The following ZNF423 variants were observed in gnomAD, a reference collection of about 807,000 sequenced individuals.
The protein encoded by ZNF423 is zinc finger protein 423, also known as Ebf-associated zinc finger protein.
A neutral mutation model predicts 95.8 loss-of-function variants in ZNF423; 12 were observed. That is an observed-to-expected ratio of 0.13 (90% CI 0.08 to 0.20). The LOEUF (loss-of-function observed/expected upper bound fraction) is 0.20. ZNF423 is among the 10% of genes least tolerant of loss of function. The probability of loss-of-function intolerance (pLI) is 1.00; values close to 1 mark genes in which losing one functional copy is unlikely to be tolerated. For missense variants in ZNF423, 1,316 were observed against 1,737.1 expected, an observed-to-expected ratio of 0.76 and a Z score of 4.31; for synonymous variants, 749 against 711.9, an observed-to-expected ratio of 1.05 and a Z score of -0.83.
chr16:49,539,266 T>C (rs1969166765), intron 5 of ZNF423, among the ~76,000 whole-genome samples: 1 of 152,182 alleles, frequency 6.6e-6, no homozygotes. Context: ...CAGATGCCAC[T>C]CTTCATGTCC....
intron 3 of ZNF423, among the ~76,000 whole-genome samples, chr16:49,726,106 T>C (rs571925469): frequency 1.1e-4 from 17 of 152,338 alleles, no homozygotes; most frequent in African/African-American, 3.6e-4. Flanking sequence ...TGGGCTGGCA[T>C]GTTCCAGGAC....
intron 7 of ZNF423, among the ~76,000 whole-genome samples, chr16:49,512,255 T>C (rs370982165): frequency 2.6e-5 from 4 of 152,152 alleles, no homozygotes; most frequent in East Asian, 1.9e-4. Flanking sequence ...ACATGATTGA[T>C]TGAATGAGTC....
intron 3 of ZNF423, among the ~76,000 whole-genome samples, chr16:49,661,332 G>T (rs1308906098): frequency 6.6e-6 from 1 of 152,132 alleles, no homozygotes; most frequent in South Asian, 2.1e-4. Context: ...CCACACTGGA[G>T]AATAAGGGTA....
At chr16:49,673,049 C>T (rs1271884791) in intron 3 of ZNF423, among the ~76,000 whole-genome samples, 1 of 152,154 alleles carries the variant, frequency 6.6e-6, no homozygotes, top group African/African-American at 2.4e-5. Flanking sequence ...CGGTCTCCCA[C>T]CAGCAGGTGA....
intron 1 of ZNF423, among the ~76,000 whole-genome samples, chr16:49,837,797 A>G (rs1279371084): frequency 6.6e-6 from 1 of 152,252 alleles, no homozygotes; most frequent in Admixed American, 6.5e-5. Flanking sequence ...GAATGAGTTC[A>G]GAGCCAGAGG....
intron 5 of ZNF423, among the ~76,000 whole-genome samples, chr16:49,552,495 CA>C (rs1969678984): frequency 6.6e-6 from 1 of 152,140 alleles, no homozygotes; most frequent in African/African-American, 2.4e-5. Context: ...GCCACTACTC[CA>C]GCTTGATATG....
intron 5 of ZNF423, among the ~76,000 whole-genome samples, chr16:49,620,025 G>A (rs1339561200): frequency 6.6e-6 from 1 of 151,976 alleles, no homozygotes; most frequent in African/African-American, 2.4e-5. Context: ...AGTGGGCCCT[G>A]GCTCTGCAAG....
intron 1 of ZNF423, among the ~76,000 whole-genome samples, chr16:49,832,904 G>A (rs954717664): frequency 1.3e-5 from 2 of 152,178 alleles, no homozygotes; most frequent in Non-Finnish European, 2.9e-5. Flanking sequence ...CAAGAACTCC[G>A]ATTTTTTTCT....
At chr16:49,778,842 G>T (rs911390246) in intron 2 of ZNF423, among the ~76,000 whole-genome samples, 2 of 152,174 alleles carry the variant, frequency 1.3e-5, no homozygotes, top group African/African-American at 4.8e-5. Flanking sequence ...CAAAAGTAAA[G>T]GTACAGGGTG....
At chr16:49,752,009 G>A (rs2033641231) in intron 2 of ZNF423, among the ~76,000 whole-genome samples, 1 of 152,182 alleles carries the variant, frequency 6.6e-6, no homozygotes, top group Non-Finnish European at 1.5e-5. Flanking sequence ...CAAATGCAGA[G>A]CAGCAGCTCA....
intron 7 of ZNF423, among the ~76,000 whole-genome samples, chr16:49,508,689 C>T (rs796503766): frequency 3.3e-4 from 50 of 151,888 alleles, no homozygotes; most frequent in African/African-American, 9.9e-4. Flanking sequence ...GAGGAGAGAC[C>T]GGGTTAGATT....
At chr16:49,657,981 C>A (rs1373698756) in intron 3 of ZNF423, among the ~76,000 whole-genome samples, 1 of 152,228 alleles carries the variant, frequency 6.6e-6, no homozygotes, top group Non-Finnish European at 1.5e-5. Flanking sequence ...ATTACTCAAC[C>A]TTGTCCTTTC....
At chr16:49,827,208 G>A (rs12443775) in intron 1 of ZNF423, among the ~76,000 whole-genome samples, 1 of 151,798 alleles carries the variant, frequency 6.6e-6, no homozygotes. Flanking sequence ...CACTTCTCCC[G>A]ATCACCTGCT....
intron 3 of ZNF423, among the ~76,000 whole-genome samples, chr16:49,690,132 A>G (rs2031723251): frequency 6.6e-6 from 1 of 152,200 alleles, no homozygotes; most frequent in African/African-American, 2.4e-5. Context: ...CCAGCCCTTC[A>G]TGCCCATTAC....
In ZNF423 at chr16:49,636,780, C is replaced by T. The variant is rs763561410; in HGVS notation, c.2396G>A (p.Ser799Asn). ...GTGGCACTGCAGCTCCACCTCGGTG[C>T]TGAAGGTCTCCCCACAGAAGATGCA... The part of the protein sequence containing the change: ...HKCIFCGETF[S>N]TEVELQCHIT... The change falls in exon 4 of 8, where the codon AGC becomes AAC. Residue 799 changes from serine (S) to asparagine (N), a missense_variant. Physicochemically the swap from Ser to Asn is conservative, Grantham distance 46. Around this residue, in one of 6 missense-constraint regions of ZNF423, gnomAD observed 620 missense variants for 775.6 expected, o/e 0.80. Transcript: ENST00000563137. This position sits in a 1 kb window ranked among gnomAD's most constrained non-coding sequence, Gnocchi z 8.6. 2 of 1,614,118 alleles carry T rather than the reference C, an allele frequency of 1.2e-6. No homozygotes were observed. The highest frequency in any genetic ancestry group is 8.5e-7 in the Non-Finnish European group (1 of 1,180,008).
intron 2 of ZNF423, among the ~76,000 whole-genome samples, chr16:49,785,641 C>T (rs571202515): frequency 6.6e-6 from 1 of 152,328 alleles, no homozygotes; most frequent in South Asian, 2.1e-4. Context: ...CTGGACCCAG[C>T]CAGAATTCTG....
intron 7 of ZNF423, among the ~76,000 whole-genome samples, chr16:49,503,235 G>A (rs567724526): frequency 3.3e-5 from 5 of 152,246 alleles, no homozygotes; most frequent in South Asian, 2.1e-4. Context: ...AGGACGCAAG[G>A]GCCCCTTGAA....
At chr16:49,512,882 G>T (rs1034690700) in intron 7 of ZNF423, among the ~76,000 whole-genome samples, 2 of 152,122 alleles carry the variant, frequency 1.3e-5, no homozygotes, top group Non-Finnish European at 2.9e-5. Context: ...GGTCACTTGA[G>T]GTCAGAAGTT....
At chr16:49,751,141 G>A (rs1455890030) in intron 2 of ZNF423, among the ~76,000 whole-genome samples, 1 of 152,186 alleles carries the variant, frequency 6.6e-6, no homozygotes, top group Non-Finnish European at 1.5e-5. Flanking sequence ...ACTGAAGATA[G>A]ACTGCAGGTG....
Sources: allele counts gnomAD v4.1 joint callset (sites outside exome capture counted in the v4.1 genomes callset), GRCh38; gene constraint gnomAD v4.1.1; regional missense constraint gnomAD v4.1.1; non-coding constraint Gnocchi (gnomAD v3.1); transcripts MANE v1.5; gene names NCBI Gene and HGNC (gene_info 2026-07-23, HGNC 2026-07-21).